The following OPRD1 variants were observed in gnomAD, a reference collection of about 807,000 sequenced individuals.
OPRD1 encodes opioid receptor delta 1.
OPRD1 carries 19 observed loss-of-function variants against 17.5 expected under a neutral mutation model. That is an observed-to-expected ratio of 1.09 (90% CI 0.76 to 1.60). OPRD1 has a LOEUF of 1.60. Among genes scored for constraint, OPRD1 ranks in the 40% most tolerant of loss-of-function variants. The pLI is 0.00. For synonymous variants in OPRD1, 256 were observed against 240.9 expected (o/e 1.06, Z -0.58); for missense variants, 483 against 547.2 (o/e 0.88, Z 1.17).
intron 1 of OPRD1, among the ~76,000 whole-genome samples, chr1:28,821,325 A>G (rs1404795559): frequency 6.6e-6 from 1 of 150,494 alleles, no homozygotes; most frequent in Non-Finnish European, 1.5e-5. Context: ...CTGGTCTTGA[A>G]CTCTTCTCTT....
intron 1 of OPRD1, among the ~76,000 whole-genome samples, chr1:28,819,694 C>T (rs1195327364): frequency 6.6e-6 from 1 of 152,200 alleles, no homozygotes; most frequent in Non-Finnish European, 1.5e-5. Context: ...GTCGAGATTC[C>T]AACCCAGGCC....
chr1:28,851,417 C>T (rs2089001466), intron 1 of OPRD1, among the ~76,000 whole-genome samples: 2 of 152,204 alleles, frequency 1.3e-5, no homozygotes, highest in Non-Finnish European at 2.9e-5. Context: ...AATTCTACCT[C>T]CTATGTGCCC....
At chr1:28,852,894 A>G (rs2147746788) in intron 1 of OPRD1, among the ~76,000 whole-genome samples, 1 of 151,816 alleles carries the variant, frequency 6.6e-6, no homozygotes, top group East Asian at 1.9e-4. Flanking sequence ...AATTTTTTGT[A>G]TTTTTAATAG....
intron 1 of OPRD1, among the ~76,000 whole-genome samples, chr1:28,850,858 T>A (rs2088996824): frequency 6.7e-6 from 1 of 150,318 alleles, no homozygotes; most frequent in African/African-American, 2.4e-5. Context: ...AATCGAGAGA[T>A]AACAAAAAGG....
intron 1 of OPRD1, among the ~76,000 whole-genome samples, chr1:28,838,878 T>C (rs2088874213): frequency 6.6e-6 from 1 of 152,104 alleles, no homozygotes; most frequent in Non-Finnish European, 1.5e-5. Flanking sequence ...TCAAAGTCCA[T>C]GCTTCTCCTT....
chr1:28,862,178 A>G (rs1345159906), intron 2 of OPRD1, among the ~76,000 whole-genome samples: 1 of 151,836 alleles, frequency 6.6e-6, no homozygotes, highest in Non-Finnish European at 1.5e-5. Flanking sequence ...CGGCCTCCCA[A>G]AGTGCTGGGA....
At chr1:28,816,770 C>T (rs2088674209) in intron 1 of OPRD1, among the ~76,000 whole-genome samples, 2 of 152,096 alleles carry the variant, frequency 1.3e-5, no homozygotes. Context: ...ACCGGACAAC[C>T]CCTTCCTCCG....
rs1042690732 is a variant in OPRD1 at position 28,817,962 on chromosome 1, C to T, written c.227+5352C>T. 2.3e-4 allele frequency among the ~76,000 whole-genome samples: 35 copies of T among 152,088 alleles called. 1 individual carries two copies. The highest frequency in any genetic ancestry group is 2.1e-4 in the South Asian group (1 of 4,830). On this transcript the variant is annotated intron_variant, in intron 1 of 2. Transcript: ENST00000234961. ...CTCGAACTCCTGACCTCAAGTGATC[C>T]GCCAGCCTTGGCCTCCCAAAGTGCT...
chr1:28,857,531 C>G (rs573206480), intron 1 of OPRD1, among the ~76,000 whole-genome samples: 23 of 152,164 alleles, frequency 1.5e-4, no homozygotes, highest in Non-Finnish European at 2.9e-4. Flanking sequence ...TACAGTGGTA[C>G]GATCTTGGCT....
At chr1:28,843,440 T>C (rs1252036070) in intron 1 of OPRD1, among the ~76,000 whole-genome samples, 4 of 152,116 alleles carry the variant, frequency 2.6e-5, no homozygotes, top group Non-Finnish European at 5.9e-5. Flanking sequence ...TAACTGCCCA[T>C]CCTCCCCTTG....
chr1:28,819,321 G>T (rs1461621009), intron 1 of OPRD1, among the ~76,000 whole-genome samples: 1 of 152,080 alleles, frequency 6.6e-6, no homozygotes, highest in African/African-American at 2.4e-5. Flanking sequence ...AGGAGGCTGG[G>T]CTAGATGACT....
At chr1:28,815,664 T>G (rs2088666834) in intron 1 of OPRD1, among the ~76,000 whole-genome samples, 1 of 152,196 alleles carries the variant, frequency 6.6e-6, no homozygotes. Context: ...CCTGCTCCCC[T>G]GAAGGGCTCC....
At chr1:28,852,584 C>T (rs910242369) in intron 1 of OPRD1, among the ~76,000 whole-genome samples, 3 of 152,132 alleles carry the variant, frequency 2.0e-5, no homozygotes, top group South Asian at 2.1e-4. Flanking sequence ...GCCAGAGAAT[C>T]GTTTGAGCCC....
At chr1:28,855,967 AC>A (rs1166491204) in intron 1 of OPRD1, among the ~76,000 whole-genome samples, 1 of 152,186 alleles carries the variant, frequency 6.6e-6, no homozygotes, top group Non-Finnish European at 1.5e-5. Context: ...TTTCTTTTCA[AC>A]CAAAAATACC....
chr1:28,823,179 T>C (rs1262300925), intron 1 of OPRD1, among the ~76,000 whole-genome samples: 1 of 150,130 alleles, frequency 6.7e-6, no homozygotes, highest in Non-Finnish European at 1.5e-5. Flanking sequence ...AAGAATCTTT[T>C]CTTCTGTAGT....
chr1:28,860,175 G>A lies in OPRD1; in HGVS notation c.577+872G>A, dbSNP rs538465028. ...AGGTCAGGAGTTCCAGACCAGCCTGGCCAACACGGTGAAACCCTATCTTTA... is the reference window on the plus strand; with the variant it reads ...AGGTCAGGAGTTCCAGACCAGCCTGACCAACACGGTGAAACCCTATCTTTA... On this transcript the variant is annotated intron_variant, in intron 2 of 2. Transcript: ENST00000234961. Among the ~76,000 whole-genome samples the A allele has an allele frequency of 5.9e-5, 9 of 152,248 alleles. No individual in the cohort carries two copies. The South Asian group carries it at 1.9e-3, about 32-fold the overall frequency.
intron 1 of OPRD1, among the ~76,000 whole-genome samples, chr1:28,826,613 A>G (rs1367400183): frequency 6.6e-6 from 1 of 152,210 alleles, no homozygotes; most frequent in Non-Finnish European, 1.5e-5. Flanking sequence ...ATTTTAAAAT[A>G]CTTTTATTGC....
intron 1 of OPRD1, among the ~76,000 whole-genome samples, chr1:28,857,710 T>C (rs989635217): frequency 6.6e-6 from 1 of 152,192 alleles, no homozygotes; most frequent in African/African-American, 2.4e-5. Context: ...GGTTTTGAAC[T>C]AGGCTCAAGC....
intron 1 of OPRD1, among the ~76,000 whole-genome samples, chr1:28,843,493 T>C (rs618886): frequency 0.85 from 129,191 of 152,128 alleles, 55,160 homozygotes; most frequent in East Asian, 1. Flanking sequence ...TCTATGACTG[T>C]GACTACTCTA....
Sources: gnomAD v4.1 joint callset for allele counts (sites outside exome capture counted in the v4.1 genomes callset) on GRCh38, gnomAD v4.1.1 for gene constraint, MANE v1.5 for transcripts, NCBI Gene and HGNC (gene_info 2026-07-23, HGNC 2026-07-21) for gene names.